Variants in PPM1E observed in about 807,000 individuals in gnomAD.
The protein encoded by PPM1E is protein phosphatase 1E.
Under a neutral mutation model 65.9 loss-of-function variants are expected in PPM1E, and 20 were observed. That is an observed-to-expected ratio of 0.30 (90% CI 0.21 to 0.44). The LOEUF (loss-of-function observed/expected upper bound fraction) is 0.44, where lower values mean the gene tolerates loss of function less well. Ranked by LOEUF, PPM1E falls within the 20% of genes least tolerant of loss-of-function variation. PPM1E has a pLI of 1.00. For missense variants in PPM1E, 713 were observed against 953.1 expected (o/e 0.75, Z 3.32); for synonymous variants, 352 against 374.9 (o/e 0.94, Z 0.70).
At chr17:58,918,381 G>T (rs2051710056) in intron 1 of PPM1E, among the ~76,000 whole-genome samples, 1 of 152,118 alleles carries the variant, frequency 6.6e-6, no homozygotes, top group African/African-American at 2.4e-5. Flanking sequence ...ACTAGAATTT[G>T]TGTCAAATAG....
At chr17:58,954,527 C>T (rs1422070937) in intron 1 of PPM1E, among the ~76,000 whole-genome samples, 2 of 152,172 alleles carry the variant, frequency 1.3e-5, no homozygotes, top group East Asian at 3.8e-4. Context: ...CCCTCACCCA[C>T]TATGATTCAC....
In PPM1E at chr17:58,869,178, A is replaced by C. The variant is rs553927680; in HGVS notation, c.465-86471A>C. 9.9e-4 allele frequency among the ~76,000 whole-genome samples: 150 copies of C among 152,246 alleles called. 1 individual carries two copies. The highest frequency in any genetic ancestry group is 3.5e-3 in the African/African-American group (145 of 41,532). On this transcript the variant is annotated intron_variant, in intron 1 of 6. Transcript: ENST00000308249. ...GAGTGGGACTCCGTCTCAACAACAA[A>C]AGTTTAAGTTATAGGAAGTATCATT...
chr17:58,770,554 A>C (rs549010238), intron 1 of PPM1E, among the ~76,000 whole-genome samples: 4 of 152,140 alleles, frequency 2.6e-5, no homozygotes, highest in Admixed American at 6.6e-5. Flanking sequence ...AACAAGTAAA[A>C]TATATTGATT....
intron 1 of PPM1E, among the ~76,000 whole-genome samples, chr17:58,821,661 T>C (rs892014301): frequency 6.6e-6 from 1 of 152,164 alleles, no homozygotes; most frequent in Non-Finnish European, 1.5e-5. Flanking sequence ...CGGATACTGG[T>C]TAGCAAGGAC....
chr17:58,808,117 T>C (rs994167732), intron 1 of PPM1E, among the ~76,000 whole-genome samples: 5 of 152,212 alleles, frequency 3.3e-5, no homozygotes, highest in African/African-American at 1.2e-4. Context: ...TATCAAGTTA[T>C]CATATTTTCA....
intron 1 of PPM1E, among the ~76,000 whole-genome samples, chr17:58,893,137 C>T (rs182022649): frequency 8.5e-5 from 13 of 152,174 alleles, no homozygotes; most frequent in East Asian, 5.8e-4. Flanking sequence ...AACTTATGCC[C>T]GCAAAAAATA....
intron 1 of PPM1E, among the ~76,000 whole-genome samples, chr17:58,825,012 A>G (rs2050519156): frequency 6.6e-6 from 1 of 151,910 alleles, no homozygotes; most frequent in Non-Finnish European, 1.5e-5. Context: ...TGGACTTTGG[A>G]AACTTGGGGG....
chr17:58,806,008 A>AAAAAAAT (rs2050310536), intron 1 of PPM1E, among the ~76,000 whole-genome samples: 1 of 149,176 alleles, frequency 6.7e-6, no homozygotes, highest in African/African-American at 2.5e-5. Context: ...AACAAAAAAA[A>AAAAAAAT]AACTATATGT....
At chr17:58,966,972 G>C (rs1231580411) in intron 3 of PPM1E, among the ~76,000 whole-genome samples, 1 of 152,152 alleles carries the variant, frequency 6.6e-6, no homozygotes, top group Non-Finnish European at 1.5e-5. Context: ...TAACCCAGAA[G>C]GATTGTGTGA....
intron 3 of PPM1E, chr17:58,966,210 A>T (rs2030228487): frequency 2.3e-5 from 9 of 394,770 alleles, no homozygotes; most frequent in South Asian, 2.0e-4. Context: ...CTATAAACAT[A>T]TAAGCAAAAA....
At chr17:58,876,858 A>G (rs973857853) in intron 1 of PPM1E, among the ~76,000 whole-genome samples, 6 of 151,894 alleles carry the variant, frequency 4.0e-5, no homozygotes, top group Non-Finnish European at 7.4e-5. Flanking sequence ...ATCTCGGCTC[A>G]CTGCAAGCTC....
chr17:58,894,740 G>T (rs1199924414), intron 1 of PPM1E, among the ~76,000 whole-genome samples: 1 of 151,616 alleles, frequency 6.6e-6, no homozygotes, highest in Non-Finnish European at 1.5e-5. Flanking sequence ...CATTATAATT[G>T]TTTAATGTTT....
chr17:58,821,929 C>T (rs975165425), intron 1 of PPM1E, among the ~76,000 whole-genome samples: 1 of 152,118 alleles, frequency 6.6e-6, no homozygotes, highest in African/African-American at 2.4e-5. Context: ...CTAGTTTAGT[C>T]AACTAGCTTT....
intron 1 of PPM1E, among the ~76,000 whole-genome samples, chr17:58,955,356 C>A (rs1223911378): frequency 6.6e-6 from 1 of 152,120 alleles, no homozygotes; most frequent in Non-Finnish European, 1.5e-5. Context: ...CAGAGCAAAA[C>A]TCCATCTAAA....
intron 1 of PPM1E, among the ~76,000 whole-genome samples, chr17:58,868,587 G>A (rs1265407663): frequency 2.4e-5 from 3 of 124,422 alleles, no homozygotes; most frequent in Non-Finnish European, 5.3e-5. Context: ...TTTTTTTGCA[G>A]TCATTGCAAT....
chr17:58,831,014 T>G (rs1051195337), intron 1 of PPM1E, among the ~76,000 whole-genome samples: 14 of 150,526 alleles, frequency 9.3e-5, no homozygotes, highest in African/African-American at 7.3e-5. Flanking sequence ...CTTTTTTTTT[T>G]TTTTCGTTTT....
intron 1 of PPM1E, among the ~76,000 whole-genome samples, chr17:58,864,675 C>T (rs1041187744): frequency 1.3e-5 from 2 of 151,546 alleles, no homozygotes; most frequent in South Asian, 2.1e-4. Flanking sequence ...CAGTGGCTCA[C>T]GCCTGTAATC....
chr17:58,872,870 G>T (rs752276043), intron 1 of PPM1E, among the ~76,000 whole-genome samples: 1 of 152,174 alleles, frequency 6.6e-6, no homozygotes. Context: ...ACATTTCAAG[G>T]AAGTGATTGG....
At chr17:58,928,390 T>C (rs1322910774) in intron 1 of PPM1E, among the ~76,000 whole-genome samples, 3 of 151,948 alleles carry the variant, frequency 2.0e-5, no homozygotes, top group Non-Finnish European at 2.9e-5. Context: ...ATTATATTAC[T>C]ATTATGTTAT....
Sources: allele counts gnomAD v4.1 joint callset (sites outside exome capture counted in the v4.1 genomes callset), GRCh38; gene constraint gnomAD v4.1.1; transcripts MANE v1.5; gene names NCBI Gene and HGNC (gene_info 2026-07-23, HGNC 2026-07-21).